PARD3: variants seen among roughly 807,000 people sequenced by gnomAD.
PARD3 encodes partitioning defective 3 homolog.
A neutral mutation model predicts 155.4 loss-of-function variants in PARD3; 75 were observed. The observed-to-expected ratio is 0.48, with a 90% CI of 0.40 to 0.58. PARD3 has a LOEUF of 0.58. Ranked by LOEUF, PARD3 falls within the 20% of genes least tolerant of loss-of-function variation. The pLI is 0.00. For synonymous variants in PARD3, 576 were observed against 610.5 expected, an observed-to-expected ratio of 0.94 and a Z score of 0.83; for missense variants, 1,642 against 1,721.7, an observed-to-expected ratio of 0.95 and a Z score of 0.82.
At chr10:34,530,289 C>T (rs891767168) in intron 2 of PARD3, among the ~76,000 whole-genome samples, 1 of 152,116 alleles carries the variant, frequency 6.6e-6, no homozygotes, top group Non-Finnish European at 1.5e-5. Context: ...AACCCTTCTT[C>T]CACTGTTCGA....
At chr10:34,733,719 C>T (rs1181494463) in intron 1 of PARD3, among the ~76,000 whole-genome samples, 3 of 152,216 alleles carry the variant, frequency 2.0e-5, no homozygotes, top group African/African-American at 4.8e-5. Flanking sequence ...AGGCTGGTCT[C>T]GAACTCCTGA....
At chr10:34,814,759 G>T in intron 1 of PARD3, 117 bp downstream of exon 1, 2 of 905,530 alleles carry the variant, frequency 2.2e-6, no homozygotes, top group Middle Eastern at 3.6e-4. Context: ...CCGACCGGCC[G>T]CACTTTCCCT....
At chr10:34,349,634 C>T (rs972306512) in intron 14 of PARD3, among the ~76,000 whole-genome samples, 14 of 123,082 alleles carry the variant, frequency 1.1e-4, no homozygotes, top group Non-Finnish European at 2.0e-4. Flanking sequence ...TACTCTATAC[C>T]ATTAAGAACA....
At chr10:34,687,886 A>G in intron 2 of PARD3, among the ~76,000 whole-genome samples, 1 of 99,600 alleles carries the variant, frequency 1.0e-5, no homozygotes, top group South Asian at 3.3e-4. Context: ...ACAGGGTCTC[A>G]CTCTGTTGCC....
chr10:34,321,543 A>T (rs996681582), intron 19 of PARD3, among the ~76,000 whole-genome samples: 1 of 152,188 alleles, frequency 6.6e-6, no homozygotes, highest in Admixed American at 6.5e-5. Flanking sequence ...GCACTGAACT[A>T]TCAGCTATGT....
chr10:34,225,430 C>A (rs2133510098), intron 22 of PARD3, among the ~76,000 whole-genome samples: 1 of 152,028 alleles, frequency 6.6e-6, no homozygotes, highest in East Asian at 1.9e-4. Flanking sequence ...ACTGCAACCT[C>A]CACCTCCCGG....
At chr10:34,557,418 C>T (rs1337501600) in intron 2 of PARD3, among the ~76,000 whole-genome samples, 1 of 152,084 alleles carries the variant, frequency 6.6e-6, no homozygotes. Flanking sequence ...AGTAGGATCG[C>T]TTGAGCCCAG....
chr10:34,471,763 T>A (rs966820150), intron 3 of PARD3, among the ~76,000 whole-genome samples: 2 of 152,190 alleles, frequency 1.3e-5, no homozygotes, highest in Admixed American at 6.5e-5. Flanking sequence ...TTCACCATGT[T>A]AGCCAGGCTG....
chr10:34,806,745 G>A (rs1311922692), intron 1 of PARD3, among the ~76,000 whole-genome samples: 6 of 152,200 alleles, frequency 3.9e-5, no homozygotes, highest in Non-Finnish European at 8.8e-5. Context: ...TCACAGCATG[G>A]AGGGAAGCAG....
chr10:34,757,543 T>C (rs1836898945), intron 1 of PARD3, among the ~76,000 whole-genome samples: 1 of 151,978 alleles, frequency 6.6e-6, no homozygotes, highest in African/African-American at 2.4e-5. Context: ...ACCACATCTC[T>C]ACTAAAAATA....
chr10:34,536,083 TTCA>T (rs2083206357), intron 2 of PARD3, among the ~76,000 whole-genome samples: 1 of 152,178 alleles, frequency 6.6e-6, no homozygotes, highest in South Asian at 2.1e-4. Context: ...TCACCACTGA[TTCA>T]TCACCAATTC....
At chr10:34,682,006 T>C (rs1314466445) in intron 2 of PARD3, among the ~76,000 whole-genome samples, 4 of 151,480 alleles carry the variant, frequency 2.6e-5, no homozygotes, top group African/African-American at 9.7e-5. Flanking sequence ...CTGCCTAGAA[T>C]GGAACAGATG....
intron 5 of PARD3, among the ~76,000 whole-genome samples, chr10:34,431,279 A>G (rs1408586768): frequency 6.6e-6 from 1 of 152,360 alleles, no homozygotes; most frequent in South Asian, 2.1e-4. Flanking sequence ...GAATGACACA[A>G]TGCTGATTCA....
At chr10:34,415,158 T>G (rs1264227337) in intron 5 of PARD3, among the ~76,000 whole-genome samples, 1 of 152,004 alleles carries the variant, frequency 6.6e-6, no homozygotes, top group Non-Finnish European at 1.5e-5. Flanking sequence ...AATAAACATC[T>G]AATAGAATCT....
chr10:34,755,396 G>A (rs1223111671), intron 1 of PARD3, among the ~76,000 whole-genome samples: 1 of 151,690 alleles, frequency 6.6e-6, no homozygotes, highest in Non-Finnish European at 1.5e-5. Context: ...TGGGTGACAG[G>A]AGAGAAACTC....
At chr10:34,798,077 T>C (rs1423118893) in intron 1 of PARD3, among the ~76,000 whole-genome samples, 5 of 152,002 alleles carry the variant, frequency 3.3e-5, no homozygotes, top group South Asian at 2.1e-4. Context: ...CCCAGTGTTA[T>C]GGGAGGCTGA....
chr10:34,513,587 A>T (rs1176532277), intron 3 of PARD3, among the ~76,000 whole-genome samples: 1 of 152,110 alleles, frequency 6.6e-6, no homozygotes, highest in East Asian at 1.9e-4. Context: ...AGCCTGGATT[A>T]TCTTACTTAA....
intron 22 of PARD3, among the ~76,000 whole-genome samples, chr10:34,257,692 A>C (rs1228221457): frequency 6.6e-6 from 1 of 152,248 alleles, no homozygotes; most frequent in Non-Finnish European, 1.5e-5. Flanking sequence ...CAGAATATTT[A>C]AACTTCCTCT....
Position 34,302,837 on chromosome 10 carries a change from C to T in PARD3, c.3065+14270G>A, listed in dbSNP as rs150055132. Among the ~76,000 whole-genome samples the T allele has an allele frequency of 4.9e-3, 739 of 152,248 alleles. 4 individuals carry two copies. The highest frequency in any genetic ancestry group is 7.9e-3 in the Non-Finnish European group (534 of 68,022). On this transcript the variant is annotated intron_variant, in intron 20 of 24. Transcript: ENST00000374788. Reference sequence around the variant, plus strand: ...CAGATGGCTTCTAGTCTGCGCTAGGCCCATTTGTGGCAAGTTCCCACAATG... The same window carrying T: ...CAGATGGCTTCTAGTCTGCGCTAGGTCCATTTGTGGCAAGTTCCCACAATG...
Sources: allele counts gnomAD v4.1 joint callset (sites outside exome capture counted in the v4.1 genomes callset), GRCh38; gene constraint gnomAD v4.1.1; transcripts MANE v1.5; gene names NCBI Gene and HGNC (gene_info 2026-07-23, HGNC 2026-07-21).